LRP1B: variants seen among roughly 807,000 people sequenced by gnomAD.
LRP1B encodes the protein low-density lipoprotein receptor-related protein 1B.
A neutral mutation model predicts 556.6 loss-of-function variants in LRP1B; 217 were observed. That is an observed-to-expected ratio of 0.39 (90% confidence interval 0.35 to 0.44). The LOEUF is 0.44. Ranked by LOEUF, LRP1B falls within the 20% of genes least tolerant of loss-of-function variation. LRP1B has a pLI of 1.00. For synonymous variants in LRP1B, 2,047 were observed against 1,865.8 expected, an observed-to-expected ratio of 1.10 and a Z score of -2.50; for missense variants, 5,053 against 5,620.8, an observed-to-expected ratio of 0.90 and a Z score of 3.23.
rs539433223 is a variant in LRP1B at position 141,304,721 on chromosome 2, G to A, written c.344-50080C>T. 4.6e-5 allele frequency among the ~76,000 whole-genome samples: 7 copies of A among 151,410 alleles called. No homozygotes were observed. The South Asian group carries it at 8.4e-4, about 18-fold the overall frequency. Reference sequence around the variant, plus strand: ...TCACCATGTTGGCCAGTCTGGTCTCGAACTCCTGACCTCAAGTGATCCACC... The same window carrying A: ...TCACCATGTTGGCCAGTCTGGTCTCAAACTCCTGACCTCAAGTGATCCACC... On this transcript the variant is annotated intron_variant, in intron 3 of 90. Coordinates refer to ENST00000389484, the MANE Select transcript of LRP1B (RefSeq NM_018557.3).
At chr2:140,506,979 T>C in intron 52 of LRP1B, 61 bp from the exon 53 acceptor site, 1 of 1,519,844 alleles carries the variant, frequency 6.6e-7, no homozygotes, top group Non-Finnish European at 8.9e-7. Flanking sequence ...TCCCCTATAT[T>C]AGGAGCTTGG....
At chr2:141,770,354 T>C (rs914458214) in intron 2 of LRP1B, among the ~76,000 whole-genome samples, 1 of 152,216 alleles carries the variant, frequency 6.6e-6, no homozygotes, top group East Asian at 1.9e-4. Flanking sequence ...TCTAAGAGAA[T>C]TGGACATTAT....
chr2:140,688,461 AAAAC>A (rs1001864495), intron 41 of LRP1B, among the ~76,000 whole-genome samples: 1 of 96,526 alleles, frequency 1.0e-5, no homozygotes, highest in Admixed American at 1.0e-4. Flanking sequence ...TATAACAGAT[AAAAC>A]AAAAAAAAGA....
At chr2:140,406,877 A>C (rs1189947102) in intron 66 of LRP1B, among the ~76,000 whole-genome samples, 1 of 152,198 alleles carries the variant, frequency 6.6e-6, no homozygotes, top group African/African-American at 2.4e-5. Context: ...CAGAGCCTGA[A>C]TAGCCAAAGC....
intron 1 of LRP1B, among the ~76,000 whole-genome samples, chr2:141,926,665 C>T (rs756212145): frequency 1.3e-4 from 20 of 152,118 alleles, no homozygotes; most frequent in Non-Finnish European, 2.4e-4. Context: ...TCACATATTG[C>T]TGTTTATTCT....
intron 23 of LRP1B, among the ~76,000 whole-genome samples, chr2:140,890,148 TTG>T (rs1693756124): frequency 6.7e-6 from 1 of 150,086 alleles, no homozygotes; most frequent in Non-Finnish European, 1.5e-5. Flanking sequence ...TGTATATAAC[TTG>T]TGTATATATA....
At chr2:140,661,815 A>T (rs888897661) in intron 41 of LRP1B, among the ~76,000 whole-genome samples, 1 of 152,234 alleles carries the variant, frequency 6.6e-6, no homozygotes, top group Non-Finnish European at 1.5e-5. Flanking sequence ...AAATCATGTC[A>T]TATGACATAT....
intron 3 of LRP1B, among the ~76,000 whole-genome samples, chr2:141,465,843 G>A (rs1257881003): frequency 6.6e-6 from 1 of 151,692 alleles, no homozygotes; most frequent in Non-Finnish European, 1.5e-5. Flanking sequence ...ACTGTGCCTG[G>A]CCTATAGCAT....
intron 3 of LRP1B, among the ~76,000 whole-genome samples, chr2:141,339,587 G>A (rs2248439): frequency 0.59 from 89,805 of 151,868 alleles, 27,429 homozygotes; most frequent in African/African-American, 0.68. Context: ...ATAATCATAA[G>A]CAGAGAGCAA....
intron 43 of LRP1B, among the ~76,000 whole-genome samples, chr2:140,558,446 A>G (rs888914394): frequency 3.9e-5 from 6 of 152,206 alleles, no homozygotes; most frequent in African/African-American, 1.4e-4. Flanking sequence ...TGCATGCTAC[A>G]ATATAAATGA....
chr2:140,305,363 G>T (rs1558786656), intron 83 of LRP1B, among the ~76,000 whole-genome samples: 1 of 152,070 alleles, frequency 6.6e-6, no homozygotes, highest in African/African-American at 2.4e-5. Flanking sequence ...CCTTGAAGAG[G>T]TTCTTCACAT....
intron 27 of LRP1B, among the ~76,000 whole-genome samples, chr2:140,856,353 A>T (rs1692617225): frequency 6.6e-6 from 1 of 152,200 alleles, no homozygotes; most frequent in Non-Finnish European, 1.5e-5. Flanking sequence ...TTTCATCACG[A>T]AATATTGGTT....
At chr2:140,736,794 G>T (rs929964484) in intron 35 of LRP1B, among the ~76,000 whole-genome samples, 2 of 152,112 alleles carry the variant, frequency 1.3e-5, no homozygotes, top group Non-Finnish European at 2.9e-5. Flanking sequence ...ATAGGCATGG[G>T]CAAGGACTTC....
intron 79 of LRP1B, among the ~76,000 whole-genome samples, chr2:140,330,688 A>G (rs1319037346): frequency 3.4e-5 from 4 of 119,338 alleles, no homozygotes; most frequent in Non-Finnish European, 1.9e-5. Context: ...TGAAGATGCC[A>G]AAAGCAATTG....
chr2:141,986,542 C>T (rs2105105942), intron 1 of LRP1B, among the ~76,000 whole-genome samples: 1 of 152,006 alleles, frequency 6.6e-6, no homozygotes, highest in South Asian at 2.1e-4. Flanking sequence ...TGAATATTTA[C>T]ATAAAATATC....
chr2:140,438,378 A>G (rs1686280109), intron 66 of LRP1B, among the ~76,000 whole-genome samples: 1 of 152,202 alleles, frequency 6.6e-6, no homozygotes, highest in African/African-American at 2.4e-5. Context: ...AAGAATACTT[A>G]TAGCTTATAG....
chr2:142,013,213 G>T (rs1703009969), intron 1 of LRP1B, among the ~76,000 whole-genome samples: 1 of 151,982 alleles, frequency 6.6e-6, no homozygotes, highest in African/African-American at 2.4e-5. Flanking sequence ...AATTAAGATA[G>T]GACTGGAATA....
chr2:140,510,884 C>T (rs935861621), intron 51 of LRP1B, among the ~76,000 whole-genome samples: 1 of 152,064 alleles, frequency 6.6e-6, no homozygotes, highest in African/African-American at 2.4e-5. Context: ...AAATGGCCCT[C>T]CCTCATGATA....
chr2:140,662,877 C>A (rs561905386), intron 41 of LRP1B, among the ~76,000 whole-genome samples: 18 of 152,092 alleles, frequency 1.2e-4, no homozygotes, highest in African/African-American at 4.1e-4. Context: ...TTTAGTGAGG[C>A]GCCTGCAAAT....
Sources: gnomAD v4.1 joint callset for allele counts (sites outside exome capture counted in the v4.1 genomes callset) on GRCh38, gnomAD v4.1.1 for gene constraint, MANE v1.5 for transcripts, NCBI Gene and HGNC (gene_info 2026-07-23, HGNC 2026-07-21) for gene names.